The following LRMDA variants were observed in gnomAD, a reference collection of about 807,000 sequenced individuals.
The protein encoded by LRMDA is leucine rich melanocyte differentiation associated, also known as leucine-rich melanocyte differentiation-associated protein.
LRMDA carries 18 observed loss-of-function variants against 29.8 expected under a neutral mutation model. That is an observed-to-expected ratio of 0.60 (90% confidence interval 0.42 to 0.90). The LOEUF is 0.90. LRMDA is among the 40% of genes least tolerant of loss of function. The probability of loss-of-function intolerance (pLI) is 0.00; values close to 1 mark genes in which losing one functional copy is unlikely to be tolerated. For missense variants in LRMDA, 273 were observed against 273.9 expected (o/e 1.00, Z 0.02); for synonymous variants, 125 against 109.4 (o/e 1.14, Z -0.89).
chr10:76,393,903 T>G (rs1841752667), intron 6 of LRMDA, among the ~76,000 whole-genome samples: 1 of 152,178 alleles, frequency 6.6e-6, no homozygotes. Flanking sequence ...CCAACATTGT[T>G]TATTGAGGAG....
At chr10:76,008,249 G>A (rs1020177723) in intron 2 of LRMDA, among the ~76,000 whole-genome samples, 3 of 152,138 alleles carry the variant, frequency 2.0e-5, no homozygotes, top group Non-Finnish European at 4.4e-5. Flanking sequence ...GTTTAGAAAT[G>A]GGGGAAAAGG....
At position 76,414,026 on chromosome 10, in the gene LRMDA, T is replaced by C. The variant is rs79297683; in HGVS notation, c.601+89541T>C. Among the ~76,000 whole-genome samples the C allele has an allele frequency of 3.4e-4, 52 of 152,318 alleles. No homozygotes were observed. In the East Asian group the frequency reaches 9.7e-3, roughly 28 times the overall value. ...CATATGGCTGGTGAGAGGCAGAATG[T>C]AGACTTCAAACCCAGGCAGAATGAC... On this transcript the variant is annotated intron_variant, in intron 6 of 6. Transcript: ENST00000611255.
At chr10:76,057,312 G>A (rs1848632223) in intron 4 of LRMDA, among the ~76,000 whole-genome samples, 1 of 152,150 alleles carries the variant, frequency 6.6e-6, no homozygotes, top group African/African-American at 2.4e-5. Context: ...TTGAGAGCAG[G>A]AAGCATGTTG....
chr10:76,080,714 T>A (rs1293878653), intron 5 of LRMDA, among the ~76,000 whole-genome samples: 6 of 152,206 alleles, frequency 3.9e-5, no homozygotes, highest in Non-Finnish European at 7.3e-5. Flanking sequence ...TCAAAAGGCT[T>A]TATGGCTGTT....
intron 2 of LRMDA, among the ~76,000 whole-genome samples, chr10:75,645,704 G>A (rs552518894): frequency 6.6e-6 from 1 of 152,268 alleles, no homozygotes; most frequent in East Asian, 1.9e-4. Flanking sequence ...CTTCTGGCAG[G>A]AGGGTAAGAA....
At chr10:75,471,006 G>A (rs1844719056) in intron 2 of LRMDA, among the ~76,000 whole-genome samples, 3 of 152,196 alleles carry the variant, frequency 2.0e-5, no homozygotes, top group Admixed American at 2.0e-4. Context: ...CCTCATGGGT[G>A]GGTTGGTTTG....
At chr10:76,289,462 A>G (rs143425407) in intron 5 of LRMDA, among the ~76,000 whole-genome samples, 190 of 152,268 alleles carry the variant, frequency 1.2e-3, no homozygotes, top group African/African-American at 4.4e-3. Flanking sequence ...AGAACACTTA[A>G]AGTGCTCCAC....
intron 6 of LRMDA, among the ~76,000 whole-genome samples, chr10:76,511,283 G>T (rs911809114): frequency 1.5e-4 from 23 of 152,106 alleles, no homozygotes; most frequent in Non-Finnish European, 2.9e-4. Context: ...TGTGGGTGTG[G>T]GCTGGCATTA....
At chr10:76,474,596 T>G (rs1035906681) in intron 6 of LRMDA, among the ~76,000 whole-genome samples, 1 of 151,812 alleles carries the variant, frequency 6.6e-6, no homozygotes, top group African/African-American at 2.4e-5. Context: ...AAAGAAGATA[T>G]AGAAATAGCC....
intron 2 of LRMDA, among the ~76,000 whole-genome samples, chr10:75,478,459 A>G (rs921610722): frequency 1.3e-5 from 2 of 152,174 alleles, no homozygotes; most frequent in African/African-American, 4.8e-5. Context: ...GTTCACCTCT[A>G]CAGTTGCTTT....
Position 75,752,899 on chromosome 10 carries a change from A to G in LRMDA, c.132-283109A>G, listed in dbSNP as rs554856776. Among the ~76,000 whole-genome samples, 16 of 152,318 alleles carry G rather than the reference A, an allele frequency of 1.1e-4. No homozygotes were observed. In the South Asian group the frequency reaches 2.1e-3, roughly 20 times the overall value. The stretch of plus-strand genomic sequence containing the variant: ...AATTCGAGTCTGAATTGCGTCATGC[A>G]TAGCCCCTTTCAGCTACCATTGATC... On this transcript the variant is annotated intron_variant, in intron 2 of 6. Coordinates refer to ENST00000611255, the MANE Select transcript of LRMDA (RefSeq NM_001305581.2).
chr10:75,645,860 C>G (rs748004435), intron 2 of LRMDA, among the ~76,000 whole-genome samples: 2 of 151,996 alleles, frequency 1.3e-5, no homozygotes, highest in Non-Finnish European at 2.9e-5. Flanking sequence ...TATTCTTTCC[C>G]TTCTTCTCAT....
At chr10:76,144,963 G>C (rs773584692) in intron 5 of LRMDA, among the ~76,000 whole-genome samples, 7 of 152,162 alleles carry the variant, frequency 4.6e-5, no homozygotes, top group Non-Finnish European at 1.0e-4. Flanking sequence ...TGTGGTTTTT[G>C]TCTTTGGTTC....
At chr10:76,464,375 G>A (rs1207695061) in intron 6 of LRMDA, among the ~76,000 whole-genome samples, 2 of 152,114 alleles carry the variant, frequency 1.3e-5, no homozygotes, top group African/African-American at 4.8e-5. Context: ...GACGAGTGGC[G>A]AGAGACTAGA....
At chr10:75,710,347 T>C (rs1257917274) in intron 2 of LRMDA, among the ~76,000 whole-genome samples, 1 of 152,194 alleles carries the variant, frequency 6.6e-6, no homozygotes. Flanking sequence ...TATGGGTTTT[T>C]GTTTGTTTTC....
chr10:75,559,067 A>G (rs1269975018), intron 2 of LRMDA, among the ~76,000 whole-genome samples: 3 of 150,944 alleles, frequency 2.0e-5, no homozygotes, highest in South Asian at 2.1e-4. Flanking sequence ...TGGCTGGGTC[A>G]AATGGTATTT....
chr10:75,957,276 A>C (rs1259520240), intron 2 of LRMDA, among the ~76,000 whole-genome samples: 1 of 152,246 alleles, frequency 6.6e-6, no homozygotes, highest in Non-Finnish European at 1.5e-5. Context: ...TTCATCTGCC[A>C]TGTGGTCTTT....
intron 2 of LRMDA, among the ~76,000 whole-genome samples, chr10:76,004,620 G>A (rs1169748678): frequency 6.6e-6 from 1 of 152,104 alleles, no homozygotes; most frequent in Non-Finnish European, 1.5e-5. Flanking sequence ...AATGTCTGCA[G>A]TTTAAAATTG....
chr10:75,506,947 C>T (rs1281273659), intron 2 of LRMDA, among the ~76,000 whole-genome samples: 2 of 152,102 alleles, frequency 1.3e-5, no homozygotes, highest in African/African-American at 4.8e-5. Context: ...TGCCTTTCCC[C>T]CATTTAGCTC....
Sources: allele counts gnomAD v4.1 joint callset (sites outside exome capture counted in the v4.1 genomes callset), GRCh38; gene constraint gnomAD v4.1.1; transcripts MANE v1.5; gene names NCBI Gene and HGNC (gene_info 2026-07-23, HGNC 2026-07-21).